The following ATRNL1 variants were observed in gnomAD, a reference collection of about 807,000 sequenced individuals.
ATRNL1 encodes attractin like 1.
Under a neutral mutation model 182.7 loss-of-function variants are expected in ATRNL1, and 95 were observed. The ratio of observed to expected loss-of-function variants is 0.52; its 90% CI spans 0.44 to 0.62. ATRNL1 has a LOEUF of 0.62. Ranked by LOEUF, ATRNL1 falls within the 20% of genes least tolerant of loss-of-function variation. The pLI, the probability that ATRNL1 is intolerant of heterozygous loss-of-function variation, is 0.00. For synonymous variants in ATRNL1, 576 were observed against 568.3 expected (o/e 1.01, Z -0.19); for missense variants, 1,471 against 1,679.5 (o/e 0.88, Z 2.17).
At chr10:115,336,203 C>T (rs1241647818) in intron 19 of ATRNL1, among the ~76,000 whole-genome samples, 2 of 152,146 alleles carry the variant, frequency 1.3e-5, no homozygotes, top group Non-Finnish European at 2.9e-5. Flanking sequence ...ATGTCTCATT[C>T]CTAAACCTCG....
chr10:115,340,471 C>CTTTTTTTTTTTT (rs1197538123), intron 19 of ATRNL1, among the ~76,000 whole-genome samples: 7 of 89,590 alleles, frequency 7.8e-5, no homozygotes, highest in African/African-American at 3.1e-4. Flanking sequence ...CTTTTCTTTT[C>CTTTTTTTTTTTT]TTTTCTTTTT....
intron 13 of ATRNL1, among the ~76,000 whole-genome samples, chr10:115,271,165 TACACACAC>T (rs59638255): frequency 1.9e-3 from 276 of 146,018 alleles, no homozygotes; most frequent in South Asian, 0.011. Flanking sequence ...ACAAAGATAT[TACACACAC>T]ACACACACAC....
At chr10:115,431,441 C>G (rs986037335) in intron 21 of ATRNL1, among the ~76,000 whole-genome samples, 1 of 150,476 alleles carries the variant, frequency 6.6e-6, no homozygotes, top group Admixed American at 6.6e-5. Context: ...ATATAATATT[C>G]CAATTTCTTC....
intron 17 of ATRNL1, among the ~76,000 whole-genome samples, chr10:115,311,446 C>T (rs782505145): frequency 6.6e-6 from 1 of 152,188 alleles, no homozygotes; most frequent in African/African-American, 2.4e-5. Flanking sequence ...CTTGTCCTCC[C>T]AAAGTGCTGG....
At chr10:115,241,463 C>A in intron 9 of ATRNL1, 108 bp from the exon 10 acceptor site, 1 of 602,418 alleles carries the variant, frequency 1.7e-6, no homozygotes, top group Non-Finnish European at 2.6e-6. Flanking sequence ...TTTTCCCCCA[C>A]AATTCCAGGG....
At position 115,533,324 on chromosome 10, in the gene ATRNL1, G is replaced by A. The variant is rs1256266295; in HGVS notation, c.3716+14000G>A. ...AGAGATTCAACTTCTTCTTGGTTTA[G>A]TCTTGGGAGAGTGTATGTATCGAGG... On this transcript the variant is annotated intron_variant, in intron 25 of 28. Coordinates refer to ENST00000355044, the MANE Select transcript of ATRNL1 (RefSeq NM_207303.4). 3.3e-5 allele frequency among the ~76,000 whole-genome samples: 5 copies of A among 152,228 alleles called. No homozygotes were observed. In the East Asian group the frequency reaches 9.6e-4, roughly 29 times the overall value.
intron 9 of ATRNL1, among the ~76,000 whole-genome samples, chr10:115,216,677 GA>G (rs1554896333): frequency 6.6e-6 from 1 of 151,422 alleles, no homozygotes; most frequent in Non-Finnish European, 1.5e-5. Context: ...TAAAATCTGG[GA>G]AATGACTTTT....
At chr10:115,541,191 T>C (rs1301697233) in intron 25 of ATRNL1, among the ~76,000 whole-genome samples, 1 of 152,182 alleles carries the variant, frequency 6.6e-6, no homozygotes, top group Non-Finnish European at 1.5e-5. Context: ...ATTCACACTA[T>C]GTAACTCATA....
chr10:115,280,613 C>A (rs1473700095), intron 13 of ATRNL1, among the ~76,000 whole-genome samples: 1 of 152,144 alleles, frequency 6.6e-6, no homozygotes, highest in East Asian at 1.9e-4. Flanking sequence ...AGGCTCAAGG[C>A]CCTGAAGTTT....
chr10:115,158,333 G>C (rs1846618717), intron 5 of ATRNL1, among the ~76,000 whole-genome samples: 1 of 151,950 alleles, frequency 6.6e-6, no homozygotes, highest in African/African-American at 2.4e-5. Context: ...ACATGGCTCT[G>C]TTGCAACCAC....
At chr10:115,157,124 G>A (rs1430856040) in intron 5 of ATRNL1, among the ~76,000 whole-genome samples, 1 of 152,080 alleles carries the variant, frequency 6.6e-6, no homozygotes, top group Non-Finnish European at 1.5e-5. Context: ...AAATGTGTTT[G>A]AGGCAACAGA....
At chr10:115,136,665 C>T (rs1303113033) in intron 5 of ATRNL1, among the ~76,000 whole-genome samples, 4 of 152,164 alleles carry the variant, frequency 2.6e-5, no homozygotes, top group Non-Finnish European at 5.9e-5. Flanking sequence ...TGCCTTTTCC[C>T]AAATATCATA....
rs559115310 is a variant in ATRNL1, at chr10:115,407,020, A to C, written c.3269+12268A>C. Among the ~76,000 whole-genome samples, 3 of 152,300 alleles carry C rather than the reference A, an allele frequency of 2.0e-5. No individual in the cohort carries two copies. In the South Asian group the frequency reaches 6.2e-4, roughly 32 times the overall value. ...TTAACTTTCATCCAATTTCTTTAAA[A>C]GAGATAAACTATTCAGATTTTTGTT... On this transcript the variant is annotated intron_variant, in intron 20 of 28. Coordinates refer to ENST00000355044, the MANE Select transcript of ATRNL1 (RefSeq NM_207303.4).
At chr10:115,682,552 A>G (rs1000814107) in intron 26 of ATRNL1, among the ~76,000 whole-genome samples, 1 of 143,538 alleles carries the variant, frequency 7.0e-6, no homozygotes, top group East Asian at 1.9e-4. Flanking sequence ...AACAAAACGA[A>G]CAAACAAACA....
At position 115,653,953 on chromosome 10, in the gene ATRNL1, A is replaced by G. The variant is rs531384841; in HGVS notation, c.3796-73295A>G. Among the ~76,000 whole-genome samples the G allele has an allele frequency of 2.0e-5, 3 of 152,306 alleles. No individual in the cohort carries two copies. The South Asian group carries it at 6.2e-4, about 32-fold the overall frequency. On this transcript the variant is annotated intron_variant, in intron 26 of 28. Transcript: ENST00000355044. ...TTATGTGTAACTTCTGGAATCAACA[A>G]TGTACCATGAATACTGATATTAAAT...
At position 115,388,626 on chromosome 10, in the gene ATRNL1, G is replaced by A. The variant is rs72822630; in HGVS notation, c.3176-6033G>A. Among the ~76,000 whole-genome samples the A allele has an allele frequency of 3.1e-3, 463 of 151,582 alleles. 1 individual carries two copies. Among genetic ancestry groups the A allele is most frequent in the Non-Finnish European group, 5.3e-3 (360 of 67,818 alleles). ...TCATCTTCATTGTTATTATTGATAG[G>A]TTATTTTTTCTCATTTATGTTATAT... On this transcript the variant is annotated intron_variant, in intron 19 of 28. Coordinates refer to ENST00000355044, the MANE Select transcript of ATRNL1 (RefSeq NM_207303.4).
chr10:115,940,867 T>G (rs1555124085), intron 28 of ATRNL1, among the ~76,000 whole-genome samples: 1 of 152,174 alleles, frequency 6.6e-6, no homozygotes, highest in East Asian at 1.9e-4. Flanking sequence ...CATGAAGAAA[T>G]GCAAAAGTAG....
chr10:115,354,345 T>A (rs1320179726), intron 19 of ATRNL1, among the ~76,000 whole-genome samples: 1 of 152,196 alleles, frequency 6.6e-6, no homozygotes, highest in Non-Finnish European at 1.5e-5. Context: ...CTTCAGCATT[T>A]TTTTTTGTAA....
chr10:115,132,616 C>T (rs549890214), intron 5 of ATRNL1, among the ~76,000 whole-genome samples: 49 of 152,142 alleles, frequency 3.2e-4, no homozygotes, highest in African/African-American at 7.7e-4. Flanking sequence ...TTTTAATGAT[C>T]GCCATTCTAA....
Sources: allele counts gnomAD v4.1 joint callset (sites outside exome capture counted in the v4.1 genomes callset), GRCh38; gene constraint gnomAD v4.1.1; transcripts MANE v1.5; gene names NCBI Gene and HGNC (gene_info 2026-07-23, HGNC 2026-07-21).